CRADD: variants seen among roughly 807,000 people sequenced by gnomAD.
CRADD encodes the protein death domain-containing protein CRADD.
In CRADD, 9 loss-of-function variants were observed where a neutral mutation model predicts 15.5. The ratio of observed to expected loss-of-function variants is 0.58; its 90% CI spans 0.35 to 1.01. CRADD has a LOEUF of 1.01. Ranked by LOEUF, CRADD falls within the 50% of genes least tolerant of loss-of-function variation. The pLI, the probability that CRADD is intolerant of heterozygous loss-of-function variation, is 0.02. For missense variants in CRADD, 227 were observed against 250.3 expected (o/e 0.91, Z 0.63); for synonymous variants, 118 against 107.6 (o/e 1.10, Z -0.60).
intron 2 of CRADD, among the ~76,000 whole-genome samples, chr12:93,795,438 G>A (rs974365375): frequency 1.5e-4 from 23 of 152,256 alleles, no homozygotes; most frequent in Non-Finnish European, 2.9e-4. Context: ...TCTATCCTGG[G>A]CACCATCCGG....
chr12:93,766,766 TAA>T (rs1957030728), intron 2 of CRADD, among the ~76,000 whole-genome samples: 2 of 152,232 alleles, frequency 1.3e-5, no homozygotes, highest in Non-Finnish European at 1.5e-5. Flanking sequence ...TGCTGGAAGA[TAA>T]AGAGTCAGAC....
intron 2 of CRADD, among the ~76,000 whole-genome samples, chr12:93,742,580 G>C (rs1246146996): frequency 6.6e-6 from 1 of 152,144 alleles, no homozygotes; most frequent in Non-Finnish European, 1.5e-5. Flanking sequence ...CGATCAGCTT[G>C]TCCTCACTCC....
At chr12:93,879,978 G>A (rs118069050) in intron 2 of CRADD, among the ~76,000 whole-genome samples, 357 of 152,330 alleles carry the variant, frequency 2.3e-3, no homozygotes, top group Middle Eastern at 0.01. Context: ...TATGCCAGGA[G>A]CTATGCAAGG....
rs183494163 is a variant in CRADD at position 93,824,375 on chromosome 12, T to C, written c.299-25595T>C. ...ACTTCAATTTTCTAACCATAAAAGC[T>C]GCTTCTGTGCTCTTTGGAAAACACA... On this transcript the variant is annotated intron_variant, in intron 2 of 2. Coordinates refer to ENST00000332896, the MANE Select transcript of CRADD (RefSeq NM_003805.5). This position sits in a 1 kb window ranked among gnomAD's most constrained non-coding sequence, Gnocchi z 4.3. Among the ~76,000 whole-genome samples the C allele has an allele frequency of 1.3e-5, 2 of 151,816 alleles. No individual in the cohort carries two copies. The highest frequency in any genetic ancestry group is 4.8e-5 in the African/African-American group (2 of 41,340).
intron 2 of CRADD, among the ~76,000 whole-genome samples, chr12:93,789,221 A>G (rs1331763852): frequency 1.3e-5 from 2 of 151,984 alleles, no homozygotes; most frequent in Non-Finnish European, 2.9e-5. Context: ...GCTAAGAAGT[A>G]CCTGATGCAG....
chr12:93,752,099 C>T (rs529078456), intron 2 of CRADD, among the ~76,000 whole-genome samples: 38 of 152,350 alleles, frequency 2.5e-4, no homozygotes, highest in Admixed American at 1.9e-3. Flanking sequence ...CCCTTTAAAG[C>T]GTCTTTACTT....
intron 2 of CRADD, among the ~76,000 whole-genome samples, chr12:93,743,699 T>C (rs1956712699): frequency 6.6e-6 from 1 of 152,198 alleles, no homozygotes; most frequent in African/African-American, 2.4e-5. Context: ...GTTCTCTTCT[T>C]ATATTCAGGG....
chr12:93,806,001 A>C (rs12426651), intron 2 of CRADD, among the ~76,000 whole-genome samples: 37,723 of 152,094 alleles, frequency 0.25, 5,193 homozygotes, highest in East Asian at 0.54. Flanking sequence ...TGAGTTGCTA[A>C]GTCTTTAGAC....
chr12:93,702,642 A>C (rs1006078468), intron 2 of CRADD, among the ~76,000 whole-genome samples: 1 of 151,506 alleles, frequency 6.6e-6, no homozygotes, highest in Admixed American at 6.6e-5. Flanking sequence ...AAACAATTCA[A>C]CCTGTTCTTT....
At chr12:93,730,400 A>G (rs952634102) in intron 2 of CRADD, among the ~76,000 whole-genome samples, 2 of 152,254 alleles carry the variant, frequency 1.3e-5, no homozygotes, top group African/African-American at 2.4e-5. Context: ...ATTCATAGCC[A>G]GGGAAGATCA....
intron 2 of CRADD, among the ~76,000 whole-genome samples, chr12:93,748,063 T>G (rs1956782964): frequency 6.6e-6 from 1 of 152,192 alleles, no homozygotes; most frequent in South Asian, 2.1e-4. Context: ...TTATATAAAT[T>G]GGAGCTATGC....
chr12:93,768,896 C>A (rs538720821), intron 2 of CRADD, among the ~76,000 whole-genome samples: 13 of 152,210 alleles, frequency 8.5e-5, no homozygotes, highest in African/African-American at 2.9e-4. Flanking sequence ...TGTTTTGGAA[C>A]TTTACGTAAA....
chr12:93,700,592 G>A (rs188636229), intron 2 of CRADD, among the ~76,000 whole-genome samples: 56 of 152,034 alleles, frequency 3.7e-4, no homozygotes, highest in Admixed American at 3.5e-3. Context: ...CACCATGCCC[G>A]GCTAATTTTT....
At chr12:93,681,615 A>G (rs991416166) in intron 2 of CRADD, among the ~76,000 whole-genome samples, 6 of 152,228 alleles carry the variant, frequency 3.9e-5, no homozygotes, top group Non-Finnish European at 8.8e-5. Flanking sequence ...TAAGATATGG[A>G]GAATAATGGT....
At chr12:93,688,732 A>G (rs1041786745) in intron 2 of CRADD, among the ~76,000 whole-genome samples, 4 of 152,216 alleles carry the variant, frequency 2.6e-5, no homozygotes, top group Admixed American at 1.3e-4. Context: ...TAACTTACTT[A>G]AAGTCACACA....
Position 93,754,017 on chromosome 12 carries a change from G to A in CRADD, c.298+74945G>A, listed in dbSNP as rs554599486. On this transcript the variant is annotated intron_variant, in intron 2 of 2. Coordinates refer to ENST00000332896, the MANE Select transcript of CRADD (RefSeq NM_003805.5). ...TCTCCATGAGCGCTCCGCCCCTGCA[G>A]CATACCTCTGCCTGGACATCCAGGC... Among the ~76,000 whole-genome samples the A allele has an allele frequency of 1.9e-3, 284 of 152,384 alleles. 1 individual carries two copies. The highest frequency in any genetic ancestry group is 6.5e-3 in the African/African-American group (271 of 41,598).
intron 2 of CRADD, among the ~76,000 whole-genome samples, chr12:93,777,008 T>G (rs1206513344): frequency 6.6e-6 from 1 of 152,202 alleles, no homozygotes; most frequent in Non-Finnish European, 1.5e-5. Flanking sequence ...ATTGCATACT[T>G]TAAATGGGTG....
chr12:93,890,820 A>G (rs186377393), intron 2 of CRADD, among the ~76,000 whole-genome samples: 2 of 148,656 alleles, frequency 1.3e-5, no homozygotes, highest in East Asian at 2.0e-4. Flanking sequence ...GTGCAGTGGC[A>G]CTATTTGGCT....
At chr12:93,727,462 A>C (rs1393328353) in intron 2 of CRADD, among the ~76,000 whole-genome samples, 1 of 152,218 alleles carries the variant, frequency 6.6e-6, no homozygotes, top group Non-Finnish European at 1.5e-5. Flanking sequence ...ACAGCAGATC[A>C]GCTTTCACTT....
Sources: allele counts gnomAD v4.1 joint callset (sites outside exome capture counted in the v4.1 genomes callset), GRCh38; gene constraint gnomAD v4.1.1; non-coding constraint Gnocchi (gnomAD v3.1); transcripts MANE v1.5; gene names NCBI Gene and HGNC (gene_info 2026-07-23, HGNC 2026-07-21).